The following RASSF6 variants were observed in gnomAD, a reference collection of about 807,000 sequenced individuals.
The protein encoded by RASSF6 is Ras association domain family member 6, also known as ras association domain-containing protein 6.
RASSF6 carries 52 observed loss-of-function variants against 44.0 expected under a neutral mutation model. The ratio of observed to expected loss-of-function variants is 1.18; its 90% CI spans 0.95 to 1.49. RASSF6 has a LOEUF of 1.49. Among genes scored for constraint, RASSF6 ranks in the 40% most tolerant of loss-of-function variants. The pLI, the probability that RASSF6 is intolerant of heterozygous loss-of-function variation, is 0.00. For synonymous variants in RASSF6, 162 were observed against 124.6 expected (o/e 1.30, Z -2.00); for missense variants, 464 against 393.3 (o/e 1.18, Z -1.52).
chr4:73,575,318 G>A lies in RASSF6; in HGVS notation c.*917C>T, dbSNP rs1015129259. 2 of 151,464 alleles carry A rather than the reference G, an allele frequency of 1.3e-5. No homozygotes were observed. Among genetic ancestry groups the A allele is most frequent in the African/African-American group, 4.9e-5 (2 of 41,172 alleles). The allele number at this position is 151,464 out of a possible 1,614,324, so 9.4% of individuals were successfully genotyped here. A position where few individuals can be genotyped will look rare whatever the true frequency, so the allele number is the denominator to read the frequency against. On this transcript the variant is annotated 3_prime_UTR_variant, in exon 11 of 11. Transcript: ENST00000307439. ...TTTTTAGTGTTTTTTTTTCAAGTGGGTTAAACAGATCTGTGAGTACCTTGA... is the reference window on the plus strand; with the variant it reads ...TTTTTAGTGTTTTTTTTTCAAGTGGATTAAACAGATCTGTGAGTACCTTGA...
intron 4 of RASSF6, among the ~76,000 whole-genome samples, chr4:73,588,970 G>A (rs1018142510): frequency 1.3e-5 from 2 of 151,974 alleles, no homozygotes; most frequent in African/African-American, 4.8e-5. Flanking sequence ...TTCACTTATA[G>A]GGAATTTATG....
Position 73,593,528 on chromosome 4 carries a change from T to G in RASSF6, c.210A>C (p.Ile70=), listed in dbSNP as rs778964563. The G allele has an allele frequency of 6.2e-7, 1 of 1,613,870 alleles. No individual in the cohort carries two copies. The highest frequency in any genetic ancestry group is 1.1e-5 in the South Asian group (1 of 91,004). The change falls in exon 4 of 11, where the codon ATA becomes ATC. Residue 70 remains isoleucine (I), a synonymous_variant. Transcript: ENST00000307439. ...LDIFWGVKRP[I]QLKIQDEKPF... ...GCTTCTCATCTTGTATTTTTAGCTGTATAGGTCGTTTTACTCCCCAGAAAA... is the reference window on the plus strand; with the variant it reads ...GCTTCTCATCTTGTATTTTTAGCTGGATAGGTCGTTTTACTCCCCAGAAAA...
intron 6 of RASSF6, among the ~76,000 whole-genome samples, chr4:73,584,225 A>C (rs1302937983): frequency 6.6e-6 from 1 of 152,122 alleles, no homozygotes; most frequent in Non-Finnish European, 1.5e-5. Flanking sequence ...CAAGGGTAGA[A>C]GAAGAAGAAA....
intron 2 of RASSF6, among the ~76,000 whole-genome samples, chr4:73,608,693 C>T (rs1384468396): frequency 1.3e-5 from 2 of 152,208 alleles, no homozygotes; most frequent in Admixed American, 1.3e-4. Context: ...AACAGGCTCT[C>T]TTATACTTTA....
intron 2 of RASSF6, among the ~76,000 whole-genome samples, chr4:73,601,387 T>C (rs1165697888): frequency 6.6e-6 from 1 of 152,246 alleles, no homozygotes; most frequent in Non-Finnish European, 1.5e-5. Context: ...CTACAGAGCC[T>C]GAAATATTTC....
At chr4:73,604,531 G>C (rs2149390457) in intron 2 of RASSF6, 1 of 152,278 alleles carries the variant, frequency 6.6e-6, no homozygotes, top group African/African-American at 2.4e-5. Flanking sequence ...TGTGTGTGTT[G>C]CCATGTTTAA....
intron 1 of RASSF6, among the ~76,000 whole-genome samples, chr4:73,619,663 G>A (rs748227764): frequency 1.3e-5 from 2 of 152,172 alleles, no homozygotes; most frequent in Non-Finnish European, 2.9e-5. Flanking sequence ...AAACTAATAA[G>A]TGGCAAAGCC....
chr4:73,603,290 C>T (rs1725404347), intron 2 of RASSF6, among the ~76,000 whole-genome samples: 1 of 152,036 alleles, frequency 6.6e-6, no homozygotes, highest in Non-Finnish European at 1.5e-5. Flanking sequence ...CTGAAGAAAA[C>T]CAAACTTCCA....
chr4:73,576,307 GA>G lies in RASSF6; in HGVS notation c.941del (p.Phe314SerfsTer9). ...KREIQRIVTKFNKEKAIILKC... is the reference protein window; with the variant it reads ...KREIQRIVTKXNKEKAIILKC... ...TCAGTATAATCGCCTTTTCTTTATT[GA>G]ATCTGAAAATGAGAAGAAGAAAGAC... On this transcript the variant is annotated frameshift_variant and splice_region_variant, in exon 11 of 11. Coordinates refer to ENST00000307439, the MANE Select transcript of RASSF6 (RefSeq NM_177532.5). LOFTEE classifies it high-confidence loss of function. 6.5e-7 allele frequency: 1 copy of G among 1,540,306 alleles called. No individual in the cohort carries two copies. Among genetic ancestry groups the G allele is most frequent in the Non-Finnish European group, 8.9e-7 (1 of 1,120,862 alleles).
intron 4 of RASSF6, among the ~76,000 whole-genome samples, chr4:73,588,868 A>T (rs1467614769): frequency 1.3e-5 from 2 of 151,738 alleles, no homozygotes; most frequent in Admixed American, 1.3e-4. Context: ...ACCATTAGGG[A>T]CCCAAGGTGT....
rs151234665 is a variant in RASSF6, at chr4:73,599,901, C to T, written c.66-1183G>A. Among the ~76,000 whole-genome samples the T allele has an allele frequency of 2.6e-5, 4 of 152,264 alleles. No homozygotes were observed. In the East Asian group the frequency reaches 7.7e-4, roughly 29 times the overall value. On this transcript the variant is annotated intron_variant, in intron 2 of 10. Transcript: ENST00000307439. ...CTCATTTCCTCCCACCCTTCCCTCA[C>T]TTCATGCAACCACCAGCCTCCCTGG...
chr4:73,600,495 G>A (rs1320264670), intron 2 of RASSF6, among the ~76,000 whole-genome samples: 1 of 152,124 alleles, frequency 6.6e-6, no homozygotes, highest in African/African-American at 2.4e-5. Context: ...AAATGAGAGG[G>A]CAGGGAGTTT....
chr4:73,593,017 G>T (rs1269028958), intron 4 of RASSF6, among the ~76,000 whole-genome samples: 1 of 69,052 alleles, frequency 1.4e-5, no homozygotes, highest in East Asian at 4.6e-4. Flanking sequence ...TGAGTTGCTG[G>T]GATTTTTTTT....
intron 1 of RASSF6, among the ~76,000 whole-genome samples, chr4:73,614,252 C>A (rs183751949): frequency 3.9e-5 from 6 of 152,204 alleles, no homozygotes; most frequent in African/African-American, 1.4e-4. Context: ...TGGATTATTG[C>A]GTCAGCCTAC....
Position 73,572,625 on chromosome 4 carries a change from T to C in RASSF6, c.*3610A>G, listed in dbSNP as rs1722976602. The C allele has an allele frequency of 6.6e-6, 1 of 152,180 alleles. No individual in the cohort carries two copies. Among genetic ancestry groups the C allele is most frequent in the Non-Finnish European group, 1.5e-5 (1 of 68,020 alleles). 9.4% of individuals were successfully genotyped at this position (152,180 alleles called of 1,614,324 possible). The stretch of plus-strand genomic sequence containing the variant: ...GCTTCATCTCTTCAAAGGAGAAGAA[T>C]CAGACTTTATGGATATAAAACTACC... On this transcript the variant is annotated 3_prime_UTR_variant, in exon 11 of 11. Coordinates refer to ENST00000307439, the MANE Select transcript of RASSF6 (RefSeq NM_177532.5).
intron 1 of RASSF6, among the ~76,000 whole-genome samples, chr4:73,619,790 A>AT (rs35639450): frequency 0.12 from 17,125 of 148,850 alleles, 1,169 homozygotes; most frequent in East Asian, 0.32. Context: ...TTGAAAATTC[A>AT]TTTTTTTTTT....
At chr4:73,576,335 A>T (rs756332234) in intron 10 of RASSF6, 25 bp from the exon 11 acceptor site, 1 of 1,507,474 alleles carries the variant, frequency 6.6e-7, no homozygotes, top group South Asian at 1.2e-5. Context: ...AAGAAAGACT[A>T]TTAAAAATTG....
intron 8 of RASSF6, among the ~76,000 whole-genome samples, chr4:73,579,632 G>C (rs1317167065): frequency 2.0e-5 from 3 of 151,690 alleles, no homozygotes; most frequent in Admixed American, 2.0e-4. Context: ...TTATCGGATT[G>C]TCTGTTGTTT....
chr4:73,576,313 G>C lies in RASSF6; in HGVS notation c.939-3C>G. 1 of 1,528,436 alleles carries C rather than the reference G, an allele frequency of 6.5e-7. No individual in the cohort carries two copies. The highest frequency in any genetic ancestry group is 1.2e-5 in the South Asian group (1 of 86,174). 94.7% of individuals were successfully genotyped at this position (1,528,436 alleles called of 1,614,324 possible). On this transcript the variant is annotated splice_polypyrimidine_tract_variant and splice_region_variant and intron_variant, in intron 10 of 10. Coordinates refer to ENST00000307439, the MANE Select transcript of RASSF6 (RefSeq NM_177532.5). ...TAATCGCCTTTTCTTTATTGAATCTGAAAATGAGAAGAAGAAAGACTATTA... is the reference window on the plus strand; with the variant it reads ...TAATCGCCTTTTCTTTATTGAATCTCAAAATGAGAAGAAGAAAGACTATTA...
Sources: gnomAD v4.1 joint callset for allele counts (sites outside exome capture counted in the v4.1 genomes callset) on GRCh38, gnomAD v4.1.1 for gene constraint, MANE v1.5 for transcripts, NCBI Gene and HGNC (gene_info 2026-07-23, HGNC 2026-07-21) for gene names.